Variants in USP42 observed in about 807,000 individuals in gnomAD.
USP42 encodes the protein ubiquitin carboxyl-terminal hydrolase 42.
Under a neutral mutation model 113.0 loss-of-function variants are expected in USP42, and 23 were observed. The observed-to-expected ratio is 0.20, with a 90% CI of 0.15 to 0.29. The LOEUF (loss-of-function observed/expected upper bound fraction) is 0.29. USP42 is among the 10% of genes least tolerant of loss of function. The pLI is 1.00. For synonymous variants in USP42, 933 were observed against 699.0 expected, an observed-to-expected ratio of 1.33 and a Z score of -5.28; for missense variants, 2,174 against 1,779.8, an observed-to-expected ratio of 1.22 and a Z score of -3.99.
chr7:6,122,998 A>G (rs1780320112), intron 3 of USP42, among the ~76,000 whole-genome samples: 1 of 150,536 alleles, frequency 6.6e-6, no homozygotes, highest in Non-Finnish European at 1.5e-5. Flanking sequence ...TGATTTTTGT[A>G]TTTTTTAGTA....
intron 7 of USP42, 103 bp from the exon 8 acceptor site, chr7:6,142,829 A>G (rs1224095661): frequency 1.9e-6 from 2 of 1,044,444 alleles, no homozygotes; most frequent in Non-Finnish European, 2.9e-6. Context: ...GGCTGCAGTG[A>G]GCTGTGATTG....
In USP42 at chr7:6,114,654, G is replaced by GTATATA. The variant is rs1562805030; in HGVS notation, c.242-668_242-667insATATAT. On this transcript the variant is annotated intron_variant, in intron 2 of 17. Transcript: ENST00000306177. ...TGTGTGTGTATATATGTATGTGTGTGTGTATATATATATATATATATATAT... is the reference window on the plus strand; with the variant it reads ...TGTGTGTGTATATATGTATGTGTGTGTATATATGTATATATATATATATATATATAT... Among the ~76,000 whole-genome samples the GTATATA allele has an allele frequency of 2.1e-3, 145 of 69,292 alleles. 5 individuals are homozygous for GTATATA. The East Asian group carries it at 0.021, about 10-fold the overall frequency. 45.5% of individuals were successfully genotyped at this position (69,292 alleles called of 152,430 possible).
intron 1 of USP42, among the ~76,000 whole-genome samples, chr7:6,105,618 G>A (rs182974213): frequency 6.6e-6 from 1 of 152,116 alleles, no homozygotes; most frequent in Non-Finnish European, 1.5e-5. Context: ...TGGCTGCTCC[G>A]TGGAGAGTCC....
the USP42 span, among the ~76,000 whole-genome samples, chr7:6,087,592 C>T: frequency 6.6e-6 from 1 of 150,860 alleles, no homozygotes; most frequent in Non-Finnish European, 1.5e-5. Context: ...CCGCTTCGGC[C>T]TCCCAAAGTG....
chr7:6,122,863 G>A (rs751654348), intron 3 of USP42, among the ~76,000 whole-genome samples: 1 of 151,760 alleles, frequency 6.6e-6, no homozygotes, highest in Non-Finnish European at 1.5e-5. Context: ...AACTGCTGGC[G>A]CCCAGGCTAG....
At chr7:6,111,647 G>C in intron 2 of USP42, 1 of 256,194 alleles carries the variant, frequency 3.9e-6, no homozygotes, top group Admixed American at 5.1e-5. Context: ...CTGTCACCCA[G>C]GCTGGAGTGC....
chr7:6,151,325 G>A (rs1424346956), intron 14 of USP42, among the ~76,000 whole-genome samples: 3 of 152,200 alleles, frequency 2.0e-5, no homozygotes, highest in African/African-American at 7.2e-5. Context: ...ACACACCTTA[G>A]CTTACTGTAA....
intron 3 of USP42, among the ~76,000 whole-genome samples, chr7:6,127,812 A>C (rs1253808210): frequency 6.6e-6 from 1 of 152,216 alleles, no homozygotes; most frequent in Non-Finnish European, 1.5e-5. Context: ...GGATTTTGAT[A>C]GGAAGTACAC....
intron 1 of USP42, among the ~76,000 whole-genome samples, chr7:6,108,178 C>T (rs1779398151): frequency 6.6e-6 from 1 of 152,158 alleles, no homozygotes; most frequent in African/African-American, 2.4e-5. Context: ...CAGAGCTAGA[C>T]TTTGTCTCAA....
Position 6,122,587 on chromosome 7 carries a change from C to T in USP42, c.442+7064C>T, listed in dbSNP as rs541890903. Among the ~76,000 whole-genome samples the T allele has an allele frequency of 7.9e-5, 12 of 152,150 alleles. No individual in the cohort carries two copies. In the South Asian group the frequency reaches 8.3e-4, roughly 11 times the overall value. ...ATGGGTTCAAGCGATTCTCCTGCCT[C>T]GGCCTCCTGAGTAGCTGGGATTACA... On this transcript the variant is annotated intron_variant, in intron 3 of 17. Transcript: ENST00000306177.
intron 3 of USP42, among the ~76,000 whole-genome samples, chr7:6,118,587 A>G (rs1345579062): frequency 6.6e-6 from 1 of 151,700 alleles, no homozygotes; most frequent in Non-Finnish European, 1.5e-5. Flanking sequence ...TATTTTTCCT[A>G]TACTTTCTTC....
At chr7:6,086,106 G>C in the USP42 span, among the ~76,000 whole-genome samples, 1 of 149,554 alleles carries the variant, frequency 6.7e-6, no homozygotes, top group African/African-American at 2.5e-5. Context: ...CAAGATCTTG[G>C]CTCATTGCAA....
At position 6,149,978 on chromosome 7, in the gene USP42, T is replaced by C. The variant is rs778144846; in HGVS notation, c.1782T>C (p.Asn594=). ...AATCCTGCTCCCAGCCCGTGATGAA[T>C]GGCAAATCCAAGCTGAACTCCAGCG... ...RSESCSQPVM[N]GKSKLNSSVL... Residue 594 remains asparagine, a synonymous_variant, in exon 13 of 18, where the codon AAT becomes AAC. Coordinates refer to ENST00000306177, the MANE Select transcript of USP42 (RefSeq NM_032172.3). 27 of 1,613,762 alleles carry C rather than the reference T, an allele frequency of 1.7e-5. No individual in the cohort carries two copies. The highest frequency in any genetic ancestry group is 2.1e-5 in the Non-Finnish European group (25 of 1,179,842).
chr7:6,120,495 G>A (rs762322556), intron 3 of USP42, among the ~76,000 whole-genome samples: 5 of 152,046 alleles, frequency 3.3e-5, no homozygotes, highest in Non-Finnish European at 7.4e-5. Context: ...TGCCCGACTC[G>A]GCCTCCCAAA....
intron 3 of USP42, among the ~76,000 whole-genome samples, chr7:6,124,736 C>T (rs922234176): frequency 6.6e-6 from 1 of 151,494 alleles, no homozygotes; most frequent in Non-Finnish European, 1.5e-5. Context: ...CCCATTTATT[C>T]TTGGTTGTCT....
At chr7:6,102,693 TGTA>T (rs895004603), upstream of USP42, among the ~76,000 whole-genome samples, 2 of 150,650 alleles carry the variant, frequency 1.3e-5, no homozygotes, top group African/African-American at 5.0e-5. Context: ...TACAAGCAGA[TGTA>T]GTAGTGGGGT....
upstream of USP42, among the ~76,000 whole-genome samples, chr7:6,103,047 G>C (rs906366875): frequency 2.7e-5 from 4 of 150,940 alleles, no homozygotes; most frequent in African/African-American, 5.0e-5. Context: ...GGCAGTGAGA[G>C]AGGAAAGGTC....
chr7:6,142,899 G>A (rs189617401), intron 7 of USP42, 33 bp from the exon 8 acceptor site: 8 of 1,607,854 alleles, frequency 5.0e-6, no homozygotes, highest in African/African-American at 1.3e-5. Context: ...ACGGTGTGCG[G>A]TGATGTGGTG....
the USP42 span, among the ~76,000 whole-genome samples, chr7:6,086,907 T>G: frequency 6.7e-6 from 1 of 150,182 alleles, no homozygotes; most frequent in Non-Finnish European, 1.5e-5. Context: ...TTTGTATTTT[T>G]AGTAGAGACG....
Sources: allele counts gnomAD v4.1 joint callset (sites outside exome capture counted in the v4.1 genomes callset), GRCh38; gene constraint gnomAD v4.1.1; transcripts MANE v1.5; gene names NCBI Gene and HGNC (gene_info 2026-07-23, HGNC 2026-07-21).